The following DOK6 variants were observed in gnomAD, a reference collection of about 807,000 sequenced individuals.
DOK6 encodes downstream of tyrosine kinase 6.
Under a neutral mutation model 44.0 loss-of-function variants are expected in DOK6, and 22 were observed. The ratio of observed to expected loss-of-function variants is 0.50; its 90% CI spans 0.36 to 0.71. The LOEUF (loss-of-function observed/expected upper bound fraction) is 0.71. DOK6 is among the 30% of genes least tolerant of loss of function. The pLI is 0.00. For synonymous variants in DOK6, 166 were observed against 145.5 expected (o/e 1.14, Z -1.01); for missense variants, 340 against 416.4 (o/e 0.82, Z 1.60).
At chr18:69,815,613 A>T (rs1248288996) in intron 7 of DOK6, among the ~76,000 whole-genome samples, 1 of 152,162 alleles carries the variant, frequency 6.6e-6, no homozygotes, top group Non-Finnish European at 1.5e-5. Context: ...GTAAGAGAAA[A>T]TCTTATGATA....
intron 6 of DOK6, among the ~76,000 whole-genome samples, chr18:69,745,897 CA>C (rs1382758199): frequency 6.6e-6 from 1 of 152,186 alleles, no homozygotes; most frequent in Non-Finnish European, 1.5e-5. Context: ...TCCCAGCTTT[CA>C]TTACGTGCAG....
chr18:69,828,730 A>G (rs1981812813), intron 7 of DOK6, among the ~76,000 whole-genome samples: 1 of 151,088 alleles, frequency 6.6e-6, no homozygotes, highest in Admixed American at 6.6e-5. Flanking sequence ...AGCACTACAT[A>G]AAATTAAATG....
chr18:69,798,498 A>G (rs562973372), intron 7 of DOK6, among the ~76,000 whole-genome samples: 1 of 152,204 alleles, frequency 6.6e-6, no homozygotes, highest in African/African-American at 2.4e-5. Flanking sequence ...GTACCAAATT[A>G]TACATACAAC....
At chr18:69,521,707 G>A (rs1333549107) in intron 1 of DOK6, among the ~76,000 whole-genome samples, 2 of 151,904 alleles carry the variant, frequency 1.3e-5, no homozygotes, top group African/African-American at 4.8e-5. Flanking sequence ...TTTCTAATGA[G>A]TACAAAGGTA....
chr18:69,620,577 C>T (rs1309315602), intron 3 of DOK6, among the ~76,000 whole-genome samples: 1 of 152,128 alleles, frequency 6.6e-6, no homozygotes, highest in Non-Finnish European at 1.5e-5. Flanking sequence ...CTCTCTACAC[C>T]TCTGATTCCC....
chr18:69,833,078 G>A (rs969019743), intron 7 of DOK6, among the ~76,000 whole-genome samples: 6 of 151,974 alleles, frequency 3.9e-5, no homozygotes, highest in East Asian at 3.9e-4. Context: ...AAATTCACAC[G>A]GTACCACAAA....
At chr18:69,419,951 G>T (rs1470154566) in intron 1 of DOK6, among the ~76,000 whole-genome samples, 2 of 152,086 alleles carry the variant, frequency 1.3e-5, no homozygotes, top group Non-Finnish European at 2.9e-5. Context: ...TCAATTGATT[G>T]CAATGTAAAG....
intron 1 of DOK6, 56 bp downstream of exon 1, chr18:69,401,366 G>A (rs947220638): frequency 1.4e-6 from 2 of 1,392,272 alleles, no homozygotes; most frequent in African/African-American, 2.0e-5. Flanking sequence ...CCGGCTGGCT[G>A]CCTGGGGGGG....
rs1362217532 is a variant in DOK6, at chr18:69,677,777, T to C, written c.333T>C (p.Cys111=). 6.2e-7 allele frequency: 1 copy of C among 1,613,766 alleles called. No homozygotes were observed. Among genetic ancestry groups the C allele is most frequent in the African/African-American group, 1.3e-5 (1 of 75,004 alleles). ...EEWCKHLCME[C]LGTRLNDISL... is the part of the protein sequence containing the mutation. ...GGTGCAAGCACCTCTGCATGGAGTG[T>C]CTGGGGACCAGGCTCAATGATATCA... Residue 111 remains cysteine (C), a synonymous_variant, in exon 4 of 8, where the codon TGT becomes TGC. Transcript: ENST00000382713.
In DOK6 at chr18:69,768,954, C is replaced by CGTGTGTGTGTGTGTAT. The variant is rs1555669808; in HGVS notation, c.856+11095_856+11096insATGTGTGTGTGTGTGT. Among the ~76,000 whole-genome samples the CGTGTGTGTGTGTGTAT allele has an allele frequency of 2.1e-5, 3 of 142,590 alleles. No homozygotes were observed. In the Admixed American group the frequency reaches 2.1e-4, roughly 10 times the overall value. 93.5% of individuals were successfully genotyped at this position (142,590 alleles called of 152,430 possible). A position where few individuals can be genotyped will look rare whatever the true frequency, so the allele number is the denominator to read the frequency against. On this transcript the variant is annotated intron_variant, in intron 7 of 7. Transcript: ENST00000382713. ...TTTATGCTAAGATTTGAAGGGTGTG[C>CGTGTGTGTGTGTGTAT]GTGTGTGTGTGTGTGTGTGTGTGTG...
intron 4 of DOK6, among the ~76,000 whole-genome samples, chr18:69,681,783 A>G (rs1031609341): frequency 1.3e-5 from 2 of 152,252 alleles, no homozygotes; most frequent in Non-Finnish European, 2.9e-5. Flanking sequence ...TGGAAAACAA[A>G]TGTTGCTTAT....
chr18:69,787,407 A>T (rs987486246), intron 7 of DOK6, among the ~76,000 whole-genome samples: 1 of 152,202 alleles, frequency 6.6e-6, no homozygotes, highest in Non-Finnish European at 1.5e-5. Flanking sequence ...GACAGGTGGC[A>T]TGTCCATTCA....
chr18:69,412,697 C>T (rs1404499110), intron 1 of DOK6, among the ~76,000 whole-genome samples: 2 of 152,120 alleles, frequency 1.3e-5, no homozygotes, highest in Non-Finnish European at 2.9e-5. Context: ...GGCTACTTGT[C>T]ATTTCTTTAT....
intron 1 of DOK6, among the ~76,000 whole-genome samples, chr18:69,428,502 T>A (rs1205949712): frequency 6.6e-6 from 1 of 151,984 alleles, no homozygotes; most frequent in Non-Finnish European, 1.5e-5. Flanking sequence ...AATTAAATAA[T>A]TAATATAAAA....
chr18:69,534,008 C>A (rs187445314), intron 1 of DOK6, among the ~76,000 whole-genome samples: 4 of 152,188 alleles, frequency 2.6e-5, no homozygotes, highest in African/African-American at 9.6e-5. Flanking sequence ...TAACATTAAC[C>A]TTTTTGGACT....
In DOK6 at chr18:69,479,653, C is replaced by G. The variant is rs185975990; in HGVS notation, c.66+78343C>G. Reference sequence around the variant, plus strand: ...CTTAAAATATTCTTCTCCAAGTAATCATTAACTTTGGCAAATTTTCACACA... The same window carrying G: ...CTTAAAATATTCTTCTCCAAGTAATGATTAACTTTGGCAAATTTTCACACA... On this transcript the variant is annotated intron_variant, in intron 1 of 7. Coordinates refer to ENST00000382713, the MANE Select transcript of DOK6 (RefSeq NM_152721.6). Among the ~76,000 whole-genome samples, 299 of 152,178 alleles carry G rather than the reference C, an allele frequency of 2.0e-3. 10 individuals are homozygous for G. The highest frequency in any genetic ancestry group is 0.019 in the Admixed American group (283 of 15,266).
At position 69,637,364 on chromosome 18, in the gene DOK6, C is replaced by A. The variant is rs550812457; in HGVS notation, c.289+37866C>A. 2.0e-5 allele frequency among the ~76,000 whole-genome samples: 3 copies of A among 152,302 alleles called. No homozygotes were observed. In the South Asian group the frequency reaches 6.2e-4, roughly 32 times the overall value. On this transcript the variant is annotated intron_variant, in intron 3 of 7. Coordinates refer to ENST00000382713, the MANE Select transcript of DOK6 (RefSeq NM_152721.6). Reference sequence around the variant, plus strand: ...TCAGGCACATTTACATATTAAAAGGCCTTAAAAAGAGAGTAAAAGGAAATA... The same window carrying A: ...TCAGGCACATTTACATATTAAAAGGACTTAAAAAGAGAGTAAAAGGAAATA...
chr18:69,411,488 AT>A (rs1978305798), intron 1 of DOK6, among the ~76,000 whole-genome samples: 1 of 152,182 alleles, frequency 6.6e-6, no homozygotes. Flanking sequence ...CCACAGAAGT[AT>A]TTTGTTTTTC....
intron 1 of DOK6, among the ~76,000 whole-genome samples, chr18:69,493,244 C>G (rs1461362222): frequency 6.6e-6 from 1 of 152,088 alleles, no homozygotes; most frequent in Non-Finnish European, 1.5e-5. Context: ...CTTTTGTAAA[C>G]TTACACGTTT....
Sources: allele counts gnomAD v4.1 joint callset (sites outside exome capture counted in the v4.1 genomes callset), GRCh38; gene constraint gnomAD v4.1.1; transcripts MANE v1.5; gene names NCBI Gene and HGNC (gene_info 2026-07-23, HGNC 2026-07-21).